Variants in FOCAD observed in about 807,000 individuals in gnomAD.
The protein encoded by FOCAD is focadhesin, also known as KIAA1797.
FOCAD carries 198 observed loss-of-function variants against 225.6 expected under a neutral mutation model. The observed-to-expected ratio is 0.88, with a 90% confidence interval of 0.78 to 0.99. The LOEUF (loss-of-function observed/expected upper bound fraction) is 0.99. FOCAD is among the 50% of genes least tolerant of loss of function. FOCAD has a pLI of 0.00. For synonymous variants in FOCAD, 897 were observed against 755.0 expected (o/e 1.19, Z -3.08); for missense variants, 2,713 against 2,123.6 (o/e 1.28, Z -5.46).
intron 4 of FOCAD, among the ~76,000 whole-genome samples, chr9:20,725,901 T>A (rs1826158266): frequency 6.6e-6 from 1 of 152,120 alleles, no homozygotes; most frequent in Admixed American, 6.6e-5. Flanking sequence ...AATTGTAAAC[T>A]CGTTTTTATA....
intron 1 of FOCAD, among the ~76,000 whole-genome samples, chr9:20,710,703 C>T (rs1346400776): frequency 6.6e-6 from 1 of 151,656 alleles, no homozygotes; most frequent in African/African-American, 2.4e-5. Context: ...TAAGAAATTT[C>T]CTTCAGAGTT....
intron 1 of FOCAD, among the ~76,000 whole-genome samples, chr9:20,713,065 A>G (rs1381816294): frequency 6.6e-6 from 1 of 152,094 alleles, no homozygotes; most frequent in Non-Finnish European, 1.5e-5. Flanking sequence ...ATCCATTAGC[A>G]GCCACATTGG....
intron 11 of FOCAD, among the ~76,000 whole-genome samples, chr9:20,818,469 T>C (rs1235148489): frequency 6.6e-6 from 1 of 152,144 alleles, no homozygotes; most frequent in Non-Finnish European, 1.5e-5. Flanking sequence ...TAATCCTATA[T>C]TTTCTTTAAG....
chr9:20,815,631 C>T (rs1281111615), intron 11 of FOCAD, among the ~76,000 whole-genome samples: 1 of 151,922 alleles, frequency 6.6e-6, no homozygotes, highest in African/African-American at 2.4e-5. Flanking sequence ...TTAACAGTCC[C>T]ATGATTATAA....
intron 42 of FOCAD, among the ~76,000 whole-genome samples, chr9:20,991,618 A>G (rs966105857): frequency 6.6e-5 from 10 of 151,958 alleles, no homozygotes; most frequent in African/African-American, 2.2e-4. Flanking sequence ...TTCGAGTCCA[A>G]CCTGGCCAAC....
intron 4 of FOCAD, among the ~76,000 whole-genome samples, chr9:20,728,329 C>G (rs894843948): frequency 3.9e-5 from 6 of 152,126 alleles, no homozygotes; most frequent in Non-Finnish European, 5.9e-5. Flanking sequence ...ACACAAAATT[C>G]ATTTATATTT....
intron 21 of FOCAD, among the ~76,000 whole-genome samples, chr9:20,895,053 G>A (rs890353895): frequency 1.3e-5 from 2 of 151,974 alleles, no homozygotes; most frequent in African/African-American, 4.8e-5. Flanking sequence ...AAGATATCTG[G>A]TTGTTTCTGT....
intron 1 of FOCAD, among the ~76,000 whole-genome samples, chr9:20,712,295 C>A (rs1824916047): frequency 6.6e-6 from 1 of 152,076 alleles, no homozygotes; most frequent in African/African-American, 2.4e-5. Context: ...TAAAAAAACG[C>A]CGTGGTAAGA....
intron 38 of FOCAD, 47 bp from the exon 39 acceptor site, chr9:20,982,310 G>T: frequency 1.5e-6 from 2 of 1,328,754 alleles, no homozygotes; most frequent in South Asian, 1.2e-5. Flanking sequence ...ATTTTGACCT[G>T]TTATTTTACA....
At chr9:20,698,127 T>G (rs922808922) in intron 1 of FOCAD, among the ~76,000 whole-genome samples, 1 of 152,216 alleles carries the variant, frequency 6.6e-6, no homozygotes, top group Admixed American at 6.5e-5. Context: ...AAATTGCAAT[T>G]AAACATTTTA....
At chr9:20,934,994 T>C (rs1183898571) in intron 28 of FOCAD, among the ~76,000 whole-genome samples, 2 of 152,036 alleles carry the variant, frequency 1.3e-5, no homozygotes, top group Admixed American at 1.3e-4. Flanking sequence ...TGGAAACACA[T>C]CCCATGCTCA....
At chr9:20,680,616 A>G (rs1822373338), upstream of FOCAD, among the ~76,000 whole-genome samples, 1 of 152,180 alleles carries the variant, frequency 6.6e-6, no homozygotes, top group Non-Finnish European at 1.5e-5. Context: ...TTCAATAGGT[A>G]TGCAGTAGAA....
At chr9:20,722,054 C>G (rs1298766952) in intron 4 of FOCAD, among the ~76,000 whole-genome samples, 1 of 135,612 alleles carries the variant, frequency 7.4e-6, no homozygotes, top group Non-Finnish European at 1.6e-5. Flanking sequence ...CTCTTTCTCT[C>G]TTTCTTTCTC....
At chr9:20,713,199 G>T (rs1490170993) in intron 1 of FOCAD, among the ~76,000 whole-genome samples, 1 of 152,158 alleles carries the variant, frequency 6.6e-6, no homozygotes, top group African/African-American at 2.4e-5. Flanking sequence ...AGTCCCTGTA[G>T]TGGCCTACAA....
chr9:20,787,895 A>G (rs1466943224), intron 10 of FOCAD, among the ~76,000 whole-genome samples: 2 of 152,186 alleles, frequency 1.3e-5, no homozygotes, highest in Admixed American at 6.5e-5. Context: ...TTTTATATCA[A>G]TACAGTGAGA....
At chr9:20,720,917 G>T (rs1825722395) in intron 4 of FOCAD, among the ~76,000 whole-genome samples, 1 of 152,210 alleles carries the variant, frequency 6.6e-6, no homozygotes. Flanking sequence ...TACTTGGCCA[G>T]GCCTTGGCAT....
intron 15 of FOCAD, among the ~76,000 whole-genome samples, chr9:20,852,465 A>G (rs1008815848): frequency 1.3e-5 from 2 of 151,446 alleles, no homozygotes; most frequent in African/African-American, 2.4e-5. Context: ...ATCTGTGGAT[A>G]CATAGGGTGG....
rs143871547 is a variant in FOCAD, at chr9:20,825,030, A to G, written c.1920+1915A>G. On this transcript the variant is annotated intron_variant, in intron 15 of 43. Transcript: ENST00000338382. ...TAATTTTGGTGATAATTTTTTTTTA[A>G]TGTTTGGTAATGAATAGCTGTGTGT... Among the ~76,000 whole-genome samples, 278 of 151,930 alleles carry G rather than the reference A, an allele frequency of 1.8e-3. 2 individuals are homozygous for G. Among genetic ancestry groups the G allele is most frequent in the African/African-American group, 6.2e-3 (256 of 41,468 alleles).
At chr9:20,895,122 G>A (rs574559546) in intron 21 of FOCAD, among the ~76,000 whole-genome samples, 6 of 151,832 alleles carry the variant, frequency 4.0e-5, no homozygotes, top group African/African-American at 1.2e-4. Context: ...AAATATTAAC[G>A]GACTACATTT....
Sources: gnomAD v4.1 joint callset for allele counts (sites outside exome capture counted in the v4.1 genomes callset) on GRCh38, gnomAD v4.1.1 for gene constraint, MANE v1.5 for transcripts, NCBI Gene and HGNC (gene_info 2026-07-23, HGNC 2026-07-21) for gene names.